The following M1AP variants were observed in gnomAD, a reference collection of about 807,000 sequenced individuals.
M1AP encodes the protein meiosis 1 arrest protein.
M1AP carries 39 observed loss-of-function variants against 51.2 expected under a neutral mutation model. That is an observed-to-expected ratio of 0.76 (90% confidence interval 0.59 to 1.00). M1AP has a LOEUF of 1.00. M1AP is among the 50% of genes least tolerant of loss of function. M1AP has a pLI of 0.00. For missense variants in M1AP, 545 were observed against 641.2 expected (o/e 0.85, Z 1.62); for synonymous variants, 251 against 249.2 (o/e 1.01, Z -0.07).
intron 2 of M1AP, among the ~76,000 whole-genome samples, chr2:74,638,742 A>T (rs2104835267): frequency 6.6e-6 from 1 of 152,340 alleles, no homozygotes; most frequent in Non-Finnish European, 1.5e-5. Flanking sequence ...AAGCTTTCAG[A>T]TGACTGACAT....
intron 7 of M1AP, among the ~76,000 whole-genome samples, chr2:74,563,076 C>A (rs1254301753): frequency 6.6e-6 from 1 of 151,982 alleles, no homozygotes; most frequent in Non-Finnish European, 1.5e-5. Context: ...CCTGGAATGT[C>A]CAGAGAGGGT....
intron 4 of M1AP, among the ~76,000 whole-genome samples, chr2:74,595,020 G>GA (rs1003861555): frequency 1.3e-5 from 2 of 152,116 alleles, no homozygotes; most frequent in African/African-American, 4.8e-5. Flanking sequence ...GAAATTGCTA[G>GA]AAAAAATGAT....
intron 3 of M1AP, among the ~76,000 whole-genome samples, chr2:74,611,602 C>A (rs1276311144): frequency 1.3e-5 from 2 of 151,760 alleles, no homozygotes; most frequent in African/African-American, 4.8e-5. Flanking sequence ...TTTGTTTATC[C>A]TTTCAAACAA....
Position 74,621,803 on chromosome 2 carries a change from C to T in M1AP, c.241-6654G>A, listed in dbSNP as rs534757250. Among the ~76,000 whole-genome samples the T allele has an allele frequency of 9.1e-4, 134 of 146,932 alleles. 1 individual carries two copies. The highest frequency in any genetic ancestry group is 1.1e-3 in the Non-Finnish European group (70 of 66,648). On this transcript the variant is annotated intron_variant, in intron 2 of 10. Coordinates refer to ENST00000421985, the MANE Select transcript of M1AP (RefSeq NM_001321739.2). Reference sequence around the variant, plus strand: ...GCGAGACTCCGTCTCAAAAAACAAACAAACATAAAAAAGTTTAATATTGGT... The same window carrying T: ...GCGAGACTCCGTCTCAAAAAACAAATAAACATAAAAAAGTTTAATATTGGT...
chr2:74,611,881 T>TG (rs1681369940), intron 3 of M1AP, among the ~76,000 whole-genome samples: 1 of 79,442 alleles, frequency 1.3e-5, no homozygotes, highest in African/African-American at 4.9e-5. Context: ...AACAAAAAAG[T>TG]GTTTTTTTTT....
At chr2:74,611,669 C>T (rs949173989) in intron 3 of M1AP, among the ~76,000 whole-genome samples, 1 of 151,634 alleles carries the variant, frequency 6.6e-6, no homozygotes, top group Non-Finnish European at 1.5e-5. Flanking sequence ...GCCATCTCTA[C>T]TAAAAATACA....
intron 2 of M1AP, among the ~76,000 whole-genome samples, chr2:74,638,150 G>A (rs570580169): frequency 1.3e-5 from 2 of 151,980 alleles, no homozygotes; most frequent in Non-Finnish European, 2.9e-5. Flanking sequence ...CGCCTCCAGG[G>A]TTCAAGCGAT....
intron 7 of M1AP, among the ~76,000 whole-genome samples, chr2:74,574,455 T>C (rs1678933639): frequency 6.6e-6 from 1 of 152,254 alleles, no homozygotes; most frequent in Non-Finnish European, 1.5e-5. Flanking sequence ...ATTTCTCTAA[T>C]TGGTTTGCTC....
intron 4 of M1AP, among the ~76,000 whole-genome samples, 196 bp downstream of exon 4, chr2:74,606,859 C>G (rs1681035470): frequency 6.6e-6 from 1 of 151,966 alleles, no homozygotes; most frequent in South Asian, 2.1e-4. Context: ...ATCTTTCTGA[C>G]TTGTAAAAGA....
intron 2 of M1AP, among the ~76,000 whole-genome samples, chr2:74,619,931 T>C (rs1681905128): frequency 6.6e-6 from 1 of 152,156 alleles, no homozygotes. Context: ...AACCTCACAA[T>C]GTAAAAAGGT....
chr2:74,639,836 T>C (rs1683189799), intron 2 of M1AP, among the ~76,000 whole-genome samples, 200 bp downstream of exon 2: 1 of 152,194 alleles, frequency 6.6e-6, no homozygotes, highest in African/African-American at 2.4e-5. Context: ...AGATTAATAA[T>C]TTTGGATTTT....
intron 5 of M1AP, among the ~76,000 whole-genome samples, chr2:74,577,773 C>G (rs878894692): frequency 6.6e-6 from 1 of 152,212 alleles, no homozygotes; most frequent in Non-Finnish European, 1.5e-5. Context: ...CTTATTTCCT[C>G]TGTGCCTGAC....
At position 74,575,421 on chromosome 2, in the gene M1AP, G is replaced by C. The variant is rs553419066; in HGVS notation, c.1074+17C>G. 1.2e-6 allele frequency: 2 copies of C among 1,612,872 alleles called. No homozygotes were observed. The highest frequency in any genetic ancestry group is 2.2e-5 in the East Asian group (1 of 44,858). Reference sequence around the variant, plus strand: ...AAAAACGATTCTTCTTTTTCACCTGGGGACATGGGTACTCACCAGCAGGCT... The same window carrying C: ...AAAAACGATTCTTCTTTTTCACCTGCGGACATGGGTACTCACCAGCAGGCT... On this transcript the variant is annotated intron_variant, in intron 7 of 10. Coordinates refer to ENST00000421985, the MANE Select transcript of M1AP (RefSeq NM_001321739.2).
At chr2:74,611,980 G>T (rs1440484105) in intron 3 of M1AP, among the ~76,000 whole-genome samples, 1 of 112,260 alleles carries the variant, frequency 8.9e-6, no homozygotes, top group South Asian at 3.3e-4. Context: ...TGCAAGCTCC[G>T]CCTCCCAGGT....
At chr2:74,603,438 C>A (rs985110878) in intron 4 of M1AP, among the ~76,000 whole-genome samples, 21 of 152,108 alleles carry the variant, frequency 1.4e-4, no homozygotes, top group African/African-American at 5.1e-4. Flanking sequence ...TAATTAAGTG[C>A]TAAATTACGT....
At chr2:74,614,218 T>G (rs1054183542) in intron 3 of M1AP, among the ~76,000 whole-genome samples, 2 of 152,208 alleles carry the variant, frequency 1.3e-5, no homozygotes, top group African/African-American at 4.8e-5. Context: ...CCTGGTTGTC[T>G]CTCCCATTTT....
intron 7 of M1AP, among the ~76,000 whole-genome samples, chr2:74,566,898 C>A (rs1049274207): frequency 4.6e-5 from 7 of 152,196 alleles, no homozygotes; most frequent in Non-Finnish European, 1.0e-4. Context: ...GACTGTAAAG[C>A]TCTGGAATGT....
intron 1 of M1AP, among the ~76,000 whole-genome samples, chr2:74,641,641 CTT>C (rs111350730): frequency 1.5e-4 from 21 of 140,952 alleles, no homozygotes; most frequent in Admixed American, 2.9e-4. Context: ...GAATTTCAAT[CTT>C]TTTTTTTTTT....
In M1AP at chr2:74,640,050, T is replaced by C; in HGVS notation, c.226A>G (p.Ile76Val). 1.9e-6 allele frequency: 3 copies of C among 1,614,090 alleles called. No homozygotes were observed. The highest frequency in any genetic ancestry group is 2.5e-6 in the Non-Finnish European group (3 of 1,179,934). The change falls in exon 2 of 11, where the codon ATC becomes GTC. Residue 76 changes from isoleucine to valine, a missense_variant. Physicochemically the swap from Ile to Val is conservative, Grantham distance 29. Coordinates refer to ENST00000421985, the MANE Select transcript of M1AP (RefSeq NM_001321739.2). The stretch of plus-strand genomic sequence containing the variant: ...GATATACTTACCACAAAAGGGAGGA[T>C]GCACTCATGCTGATCTTGTACCATG... ...LYMVQDQHEC[I>V]LPFVQVKGNF... is the part of the protein sequence containing the mutation.
Sources: gnomAD v4.1 joint callset for allele counts (sites outside exome capture counted in the v4.1 genomes callset) on GRCh38, gnomAD v4.1.1 for gene constraint, MANE v1.5 for transcripts, NCBI Gene and HGNC (gene_info 2026-07-23, HGNC 2026-07-21) for gene names.